Variants in PALM2AKAP2 observed in about 807,000 individuals in gnomAD.
PALM2AKAP2 encodes the protein PALM2-AKAP2 fusion protein.
In PALM2AKAP2, 37 loss-of-function variants were observed where a neutral mutation model predicts 71.5. The ratio of observed to expected loss-of-function variants is 0.52; its 90% CI spans 0.40 to 0.68. The LOEUF (loss-of-function observed/expected upper bound fraction) is 0.68, where lower values mean the gene tolerates loss of function less well. PALM2AKAP2 is among the 30% of genes least tolerant of loss of function. PALM2AKAP2 has a pLI of 0.00. For missense variants in PALM2AKAP2, 1,224 were observed against 1,191.8 expected (o/e 1.03, Z -0.40); for synonymous variants, 468 against 478.8 (o/e 0.98, Z 0.29).
chr9:110,075,660 C>T (rs1834304835), intron 1 of PALM2AKAP2, among the ~76,000 whole-genome samples: 7 of 151,728 alleles, frequency 4.6e-5, no homozygotes, highest in Admixed American at 4.6e-4. Flanking sequence ...TAACATTATT[C>T]TACAATGGAC....
chr9:109,867,164 CTGTGTGTGTGTGTG>C (rs56194780), intron 1 of PALM2AKAP2: 22 of 399,914 alleles, frequency 5.5e-5, no homozygotes, highest in Middle Eastern at 6.3e-4. Flanking sequence ...ACATGGTTCT[CTGTGTGTGTGTGTG>C]TGTGTGTGTG....
chr9:109,867,714 G>A, intron 2 of PALM2AKAP2, 143 bp downstream of exon 2: 2 of 956,642 alleles, frequency 2.1e-6, no homozygotes, highest in Non-Finnish European at 3.0e-6. Flanking sequence ...CCATCTCTTG[G>A]CTTTTCTTGT....
At chr9:109,947,617 C>A (rs1018560340) in intron 6 of PALM2AKAP2, among the ~76,000 whole-genome samples, 4 of 152,160 alleles carry the variant, frequency 2.6e-5, no homozygotes, top group Non-Finnish European at 4.4e-5. Context: ...TGGACATAGA[C>A]AGAATAAGCA....
intron 3 of PALM2AKAP2, among the ~76,000 whole-genome samples, chr9:109,882,611 A>G (rs568605123): frequency 8.6e-4 from 131 of 152,192 alleles, no homozygotes; most frequent in African/African-American, 3.1e-3. Flanking sequence ...ATAGGATAAA[A>G]TTAGTTACAT....
chr9:109,896,844 G>A (rs138211696), intron 3 of PALM2AKAP2, among the ~76,000 whole-genome samples: 50 of 152,240 alleles, frequency 3.3e-4, no homozygotes, highest in Admixed American at 1.0e-3. Context: ...TTAAATGTTC[G>A]AAAGAACATT....
At chr9:109,853,980 A>G (rs1829087688) in intron 1 of PALM2AKAP2, among the ~76,000 whole-genome samples, 1 of 152,210 alleles carries the variant, frequency 6.6e-6, no homozygotes, top group South Asian at 2.1e-4. Context: ...TTAGTCTTCT[A>G]GGACTAGAGC....
Position 110,131,133 on chromosome 9 carries a change from C to T in PALM2AKAP2, c.157-4994C>T, listed in dbSNP as rs61024285. ...ATGTAATTTAAACTAATTCCAGAAG[C>T]ACACAGCTGTATTAAATTGCCCCGA... On this transcript the variant is annotated intron_variant, in intron 1 of 3. Transcript: ENST00000374525. Among the ~76,000 whole-genome samples, 3 of 152,224 alleles carry T rather than the reference C, an allele frequency of 2.0e-5. No individual in the cohort carries two copies. In the East Asian group the frequency reaches 5.8e-4, roughly 29 times the overall value.
chr9:110,161,549 C>T (rs1024291620), intron 3 of PALM2AKAP2, among the ~76,000 whole-genome samples: 3 of 152,166 alleles, frequency 2.0e-5, no homozygotes, highest in African/African-American at 7.2e-5. Flanking sequence ...CCCAGGCCCC[C>T]AGGGTTCTGA....
At chr9:109,658,734 T>C (rs1827345608) in intron 1 of PALM2AKAP2, among the ~76,000 whole-genome samples, 1 of 152,168 alleles carries the variant, frequency 6.6e-6, no homozygotes, top group African/African-American at 2.4e-5. Context: ...TGAAAGGGAT[T>C]TCCCCTTGAA....
At chr9:109,875,282 C>A (rs549985742) in intron 2 of PALM2AKAP2, among the ~76,000 whole-genome samples, 2 of 152,304 alleles carry the variant, frequency 1.3e-5, no homozygotes, top group East Asian at 3.9e-4. Context: ...GAGACCTTTC[C>A]CACTTTAAAT....
At chr9:110,015,665 T>C (rs1308036894) in intron 6 of PALM2AKAP2, among the ~76,000 whole-genome samples, 1 of 152,124 alleles carries the variant, frequency 6.6e-6, no homozygotes, top group Non-Finnish European at 1.5e-5. Flanking sequence ...GACGAAGAGT[T>C]CATCCCAGCC....
intron 1 of PALM2AKAP2, among the ~76,000 whole-genome samples, chr9:109,664,908 AC>A (rs1827457432): frequency 6.6e-6 from 1 of 151,716 alleles, no homozygotes; most frequent in East Asian, 1.9e-4. Context: ...TTTTTCTCTA[AC>A]TTTATCACTT....
chr9:109,842,005 A>C (rs1828708994), intron 1 of PALM2AKAP2, among the ~76,000 whole-genome samples: 1 of 151,202 alleles, frequency 6.6e-6, no homozygotes, highest in South Asian at 2.1e-4. Flanking sequence ...GAGGTGGGAA[A>C]AAAAGAGGCC....
intron 1 of PALM2AKAP2, among the ~76,000 whole-genome samples, chr9:109,668,256 T>G (rs930743441): frequency 2.6e-5 from 4 of 152,188 alleles, no homozygotes; most frequent in Admixed American, 6.5e-5. Flanking sequence ...TTAAAGTAAT[T>G]GAGCTACATA....
chr9:109,667,536 T>C (rs1827505697), intron 1 of PALM2AKAP2, among the ~76,000 whole-genome samples: 1 of 152,188 alleles, frequency 6.6e-6, no homozygotes, highest in Non-Finnish European at 1.5e-5. Flanking sequence ...ACGCCTGTAA[T>C]CCCAGCACTT....
intron 1 of PALM2AKAP2, among the ~76,000 whole-genome samples, chr9:110,067,604 A>G (rs1053522277): frequency 1.3e-5 from 2 of 152,268 alleles, no homozygotes; most frequent in Non-Finnish European, 2.9e-5. Context: ...GGGTGTGAAC[A>G]GAGGAATTTC....
chr9:109,788,997 C>T (rs554179457), intron 1 of PALM2AKAP2, among the ~76,000 whole-genome samples: 44 of 152,206 alleles, frequency 2.9e-4, no homozygotes, highest in Non-Finnish European at 5.3e-4. Flanking sequence ...ATCTCGGGAA[C>T]TTGCTTTAAT....
At chr9:110,161,762 A>G (rs1309497343) in intron 3 of PALM2AKAP2, among the ~76,000 whole-genome samples, 13 of 152,126 alleles carry the variant, frequency 8.5e-5, no homozygotes, top group Admixed American at 7.9e-4. Context: ...ATGGCCCCCA[A>G]CGACCTTGCT....
At chr9:109,990,771 G>A (rs1357427381) in intron 6 of PALM2AKAP2, among the ~76,000 whole-genome samples, 2 of 152,212 alleles carry the variant, frequency 1.3e-5, no homozygotes, top group African/African-American at 4.8e-5. Flanking sequence ...CCAGAAAATG[G>A]CACATTTGCC....
Sources: gnomAD v4.1 joint callset for allele counts (sites outside exome capture counted in the v4.1 genomes callset) on GRCh38, gnomAD v4.1.1 for gene constraint, MANE v1.5 for transcripts, NCBI Gene and HGNC (gene_info 2026-07-23, HGNC 2026-07-21) for gene names.